The following RASAL2 variants were observed in gnomAD, a reference collection of about 807,000 sequenced individuals.
RASAL2 encodes the protein ras GTPase-activating protein nGAP.
A neutral mutation model predicts 128.9 loss-of-function variants in RASAL2; 58 were observed. The ratio of observed to expected loss-of-function variants is 0.45; its 90% CI spans 0.36 to 0.56. The LOEUF (loss-of-function observed/expected upper bound fraction) is 0.56. Among genes scored for constraint, RASAL2 ranks in the 20% least tolerant of loss-of-function variants. RASAL2 has a pLI of 0.00. For synonymous variants in RASAL2, 561 were observed against 580.8 expected (o/e 0.97, Z 0.49); for missense variants, 1,360 against 1,601.6 (o/e 0.85, Z 2.57).
intron 1 of RASAL2, among the ~76,000 whole-genome samples, chr1:178,216,056 A>G (rs1663411884): frequency 2.0e-5 from 3 of 152,336 alleles, no homozygotes; most frequent in Non-Finnish European, 4.4e-5. Flanking sequence ...TTTTGCTCTA[A>G]TAATCATTTT....
At chr1:178,248,121 C>T (rs1006375973) in intron 1 of RASAL2, among the ~76,000 whole-genome samples, 3 of 152,106 alleles carry the variant, frequency 2.0e-5, no homozygotes, top group African/African-American at 7.2e-5. Flanking sequence ...TCCTGAATAT[C>T]CTTGTTAATT....
intron 1 of RASAL2, among the ~76,000 whole-genome samples, chr1:178,151,623 G>A (rs1446190499): frequency 6.6e-6 from 1 of 152,188 alleles, no homozygotes; most frequent in African/African-American, 2.4e-5. Context: ...ATTGTATATT[G>A]TGGTAGCTCA....
chr1:178,254,742 C>G (rs559839878), intron 1 of RASAL2, among the ~76,000 whole-genome samples: 2 of 152,136 alleles, frequency 1.3e-5, no homozygotes, highest in Non-Finnish European at 2.9e-5. Flanking sequence ...GAGAAAGAAA[C>G]AGAAAAATAT....
At chr1:178,181,476 G>C (rs1017493728) in intron 1 of RASAL2, among the ~76,000 whole-genome samples, 1 of 151,982 alleles carries the variant, frequency 6.6e-6, no homozygotes, top group Non-Finnish European at 1.5e-5. Flanking sequence ...TCCTGCCTCA[G>C]CCTGCCGAGT....
chr1:178,456,523 G>T (rs552533226), intron 12 of RASAL2, 198 bp from the exon 13 acceptor site: 13 of 662,306 alleles, frequency 2.0e-5, no homozygotes, highest in Middle Eastern at 4.2e-4. Context: ...ACCTTGTTTC[G>T]CCTCCTCCAT....
chr1:178,203,114 T>C (rs28889700), intron 1 of RASAL2, among the ~76,000 whole-genome samples: 16,619 of 152,196 alleles, frequency 0.11, 1,168 homozygotes, highest in African/African-American at 0.19. Context: ...GAATAGACAC[T>C]TACTCTGGAT....
At chr1:178,128,722 A>G (rs886197118) in intron 1 of RASAL2, among the ~76,000 whole-genome samples, 4 of 152,070 alleles carry the variant, frequency 2.6e-5, no homozygotes, top group Admixed American at 1.3e-4. Context: ...GCAACCACTG[A>G]TCTGCTTTCT....
intron 3 of RASAL2, among the ~76,000 whole-genome samples, chr1:178,308,621 C>T (rs1212290085): frequency 6.7e-6 from 1 of 149,046 alleles, no homozygotes; most frequent in East Asian, 2.0e-4. Context: ...TCATGACTCA[C>T]TGCAGCCTCA....
At chr1:178,370,498 A>G (rs1238507461) in intron 3 of RASAL2, among the ~76,000 whole-genome samples, 6 of 152,238 alleles carry the variant, frequency 3.9e-5, no homozygotes, top group Non-Finnish European at 7.3e-5. Flanking sequence ...TATTTTGAGT[A>G]ATAGAAACTC....
intron 1 of RASAL2, among the ~76,000 whole-genome samples, chr1:178,157,043 T>A (rs1661108889): frequency 6.6e-6 from 1 of 152,194 alleles, no homozygotes; most frequent in Admixed American, 6.5e-5. Context: ...CGTCTTTTGT[T>A]TATATCTAGT....
intron 1 of RASAL2, among the ~76,000 whole-genome samples, chr1:178,249,938 T>C (rs1196469462): frequency 6.6e-6 from 1 of 152,120 alleles, no homozygotes; most frequent in African/African-American, 2.4e-5. Flanking sequence ...TCTGGAAGCT[T>C]CGTCCCAGAG....
intron 3 of RASAL2, among the ~76,000 whole-genome samples, chr1:178,318,390 G>A (rs888722965): frequency 2.6e-4 from 40 of 151,556 alleles, no homozygotes; most frequent in African/African-American, 9.0e-4. Context: ...GTTGACAGTG[G>A]GGTGTTAAAG....
rs560741771 is a variant in RASAL2 at position 178,198,762 on chromosome 1, A to G, written c.203-84802A>G. On this transcript the variant is annotated intron_variant, in intron 1 of 17. Coordinates refer to ENST00000367649, the MANE Select transcript of RASAL2 (RefSeq NM_170692.4). ...CTGGGAGGTGTCTCCAAGTTAGGCT[A>G]CCTGGGGGTCAGGCACCCACTTGAG... 1.5e-3 allele frequency among the ~76,000 whole-genome samples: 234 copies of G among 152,290 alleles called. 1 individual carries two copies. Among genetic ancestry groups the G allele is most frequent in the African/African-American group, 5.4e-3 (224 of 41,562 alleles).
chr1:178,476,984 C>T lies in RASAL2; in HGVS notation c.*3745C>T, dbSNP rs1462857320. 2.0e-5 allele frequency: 3 copies of T among 152,386 alleles called. No individual in the cohort carries two copies. The highest frequency in any genetic ancestry group is 7.2e-5 in the African/African-American group (3 of 41,440). 9.4% of individuals were successfully genotyped at this position (152,386 alleles called of 1,614,324 possible). A position where few individuals can be genotyped will look rare whatever the true frequency, so the allele number is the denominator to read the frequency against. ...GGACTGAGCGTGGGAAAGGAACCCTCTTCAGGATTACCTCAGTCCCATCAG... is the reference window on the plus strand; with the variant it reads ...GGACTGAGCGTGGGAAAGGAACCCTTTTCAGGATTACCTCAGTCCCATCAG... On this transcript the variant is annotated 3_prime_UTR_variant, in exon 18 of 18. Coordinates refer to ENST00000367649, the MANE Select transcript of RASAL2 (RefSeq NM_170692.4).
rs542982564 is a variant in RASAL2 at position 178,243,038 on chromosome 1, G to A, written c.203-40526G>A. Among the ~76,000 whole-genome samples the A allele has an allele frequency of 2.0e-5, 3 of 151,966 alleles. No homozygotes were observed. In the South Asian group the frequency reaches 6.3e-4, roughly 32 times the overall value. On this transcript the variant is annotated intron_variant, in intron 1 of 17. Transcript: ENST00000367649. ...TTGAGATTTTCCTGGTTCTTGGTGTGTTGATTTTTTAAAAATTTATTGAAT... is the reference window on the plus strand; with the variant it reads ...TTGAGATTTTCCTGGTTCTTGGTGTATTGATTTTTTAAAAATTTATTGAAT...
chr1:178,467,637 G>A (rs765723582), intron 17 of RASAL2, among the ~76,000 whole-genome samples: 4 of 152,226 alleles, frequency 2.6e-5, no homozygotes, highest in African/African-American at 4.8e-5. Context: ...AAGTATTAGC[G>A]TGTTTAGTGC....
At chr1:178,225,698 TTTA>T (rs143013655) in intron 1 of RASAL2, among the ~76,000 whole-genome samples, 12,017 of 152,028 alleles carry the variant, frequency 0.079, 536 homozygotes, top group Middle Eastern at 0.14. Context: ...TGTACTATGA[TTTA>T]TTTAGTCACT....
chr1:178,239,741 G>A lies in RASAL2; in HGVS notation c.203-43823G>A, dbSNP rs566121303. On this transcript the variant is annotated intron_variant, in intron 1 of 17. Transcript: ENST00000367649. Reference sequence around the variant, plus strand: ...GCCAGAATCTAAGAGTAAGGAATACGTTTAAGATTGTGTGATGATTCTAAT... The same window carrying A: ...GCCAGAATCTAAGAGTAAGGAATACATTTAAGATTGTGTGATGATTCTAAT... Among the ~76,000 whole-genome samples the A allele has an allele frequency of 2.0e-5, 3 of 152,058 alleles. No individual in the cohort carries two copies. In the East Asian group the frequency reaches 5.8e-4, roughly 29 times the overall value.
intron 1 of RASAL2, among the ~76,000 whole-genome samples, chr1:178,169,432 C>G (rs142695336): frequency 2.2e-4 from 34 of 152,224 alleles, no homozygotes; most frequent in African/African-American, 7.7e-4. Flanking sequence ...GCTTCATTTA[C>G]TCAGATGAGT....
Sources: allele counts gnomAD v4.1 joint callset (sites outside exome capture counted in the v4.1 genomes callset), GRCh38; gene constraint gnomAD v4.1.1; transcripts MANE v1.5; gene names NCBI Gene and HGNC (gene_info 2026-07-23, HGNC 2026-07-21).